Variants in LYSMD3 observed in about 807,000 individuals in gnomAD.
LYSMD3 encodes the protein LysM domain containing 3.
In LYSMD3, 13 loss-of-function variants were observed where a neutral mutation model predicts 26.1. The ratio of observed to expected loss-of-function variants is 0.50; its 90% CI spans 0.32 to 0.79. LYSMD3 has a LOEUF of 0.79. Ranked by LOEUF, LYSMD3 falls within the 30% of genes least tolerant of loss-of-function variation. The pLI is 0.03. For synonymous variants in LYSMD3, 109 were observed against 119.4 expected (o/e 0.91, Z 0.57); for missense variants, 331 against 362.5 (o/e 0.91, Z 0.71).
chr5:90,522,637 C>A (rs767990378), intron 2 of LYSMD3, among the ~76,000 whole-genome samples: 11 of 152,158 alleles, frequency 7.2e-5, no homozygotes, highest in African/African-American at 2.7e-4. Flanking sequence ...TGTTAAAACT[C>A]TACAATAATT....
Position 90,525,279 on chromosome 5 carries a change from C to T in LYSMD3, c.11G>A (p.Arg4Lys). 1 of 1,597,524 alleles carries T rather than the reference C, an allele frequency of 6.3e-7. No homozygotes were observed. The highest frequency in any genetic ancestry group is 1.7e-4 in the Middle Eastern group (1 of 5,968). MAG[R>K]HQNRSFPLPG... ...AAGAGGAAAACTACGATTCTGATGC[C>T]TCCCTGCCATAATGTTAAAATCTGG... The change falls in exon 2 of 3, where the codon AGG (arginine) becomes AAG (lysine). Residue 4 changes from arginine to lysine, a missense_variant. Coordinates refer to ENST00000315948, the MANE Select transcript of LYSMD3 (RefSeq NM_198273.2).
chr5:90,519,322 CG>C lies in LYSMD3; in HGVS notation c.417del (p.Glu140AsnfsTer22). Reference sequence around the variant, plus strand: ...TTAGCTGGCAAAATTTCCTGTTGTTCGGAAGAGTATTGAACAGATGAATGAC... The same window carrying C: ...TTAGCTGGCAAAATTTCCTGTTGTTCGAAGAGTATTGAACAGATGAATGAC... ...TSRHSSVQYS[S>X]EQQEILPAND... On this transcript the variant is annotated frameshift_variant, in exon 3 of 3. Transcript: ENST00000315948. LOFTEE classifies it high-confidence loss of function. 6.2e-7 allele frequency: 1 copy of C among 1,613,946 alleles called. No homozygotes were observed. The highest frequency in any genetic ancestry group is 8.5e-7 in the Non-Finnish European group (1 of 1,179,978).
At chr5:90,527,570 G>T (rs1753255026) in intron 1 of LYSMD3, among the ~76,000 whole-genome samples, 1 of 152,088 alleles carries the variant, frequency 6.6e-6, no homozygotes, top group Non-Finnish European at 1.5e-5. Flanking sequence ...ACTTTTACCT[G>T]CTGATGGTTC....
intron 2 of LYSMD3, among the ~76,000 whole-genome samples, chr5:90,524,759 T>C (rs1030418413): frequency 6.6e-6 from 1 of 152,018 alleles, no homozygotes; most frequent in African/African-American, 2.4e-5. Flanking sequence ...GCCCGGCTAA[T>C]TTTTTTGTAT....
chr5:90,516,784 A>C lies in LYSMD3; in HGVS notation c.*2035T>G, dbSNP rs559716915. On this transcript the variant is annotated 3_prime_UTR_variant, in exon 3 of 3. Transcript: ENST00000315948. ...TTTCCTTCAAAAAAGGATACTCTGC[A>C]AGACAAATGATTTTTAATCAACAAA... is the stretch of plus-strand genomic sequence containing the variant. 6.6e-6 allele frequency: 1 copy of C among 152,622 alleles called. No homozygotes were observed. Among genetic ancestry groups the C allele is most frequent in the South Asian group, 2.1e-4 (1 of 4,830 alleles). 9.5% of individuals were successfully genotyped at this position (152,622 alleles called of 1,614,324 possible). A position where few individuals can be genotyped will look rare whatever the true frequency, so the allele number is the denominator to read the frequency against.
rs924065403 is a variant in LYSMD3 at position 90,529,480 on chromosome 5, A to C, written c.-44T>G. The C allele has an allele frequency of 4.4e-6, 2 of 456,670 alleles. No individual in the cohort carries two copies. Among genetic ancestry groups the C allele is most frequent in the Non-Finnish European group, 4.4e-6 (1 of 226,958 alleles). The allele number at this position is 456,670 out of a possible 1,614,324, so 28.3% of individuals were successfully genotyped here. A position where few individuals can be genotyped will look rare whatever the true frequency, so the allele number is the denominator to read the frequency against. ...CGTTAGCAGGGAGCACTCTGCGAGA[A>C]GATGGCCAAAAGGTCCGCCGCCGCC... On this transcript the variant is annotated 5_prime_UTR_variant, in exon 1 of 3. Coordinates refer to ENST00000315948, the MANE Select transcript of LYSMD3 (RefSeq NM_198273.2).
chr5:90,525,993 G>GA (rs985019264), intron 1 of LYSMD3, among the ~76,000 whole-genome samples: 2 of 152,044 alleles, frequency 1.3e-5, no homozygotes, highest in African/African-American at 4.8e-5. Flanking sequence ...AGTATGTGAA[G>GA]AAAATCAGAG....
chr5:90,524,223 A>G (rs952679696), intron 2 of LYSMD3, among the ~76,000 whole-genome samples: 2 of 152,238 alleles, frequency 1.3e-5, no homozygotes, highest in African/African-American at 2.4e-5. Flanking sequence ...AGGGATGGTC[A>G]TGAGGGTGTC....
chr5:90,526,846 G>T (rs777436522), intron 1 of LYSMD3: 1 of 152,172 alleles, frequency 6.6e-6, no homozygotes, highest in Non-Finnish European at 1.5e-5. Flanking sequence ...CAGAGAAAAG[G>T]TCTAGGTTAG....
At chr5:90,529,116 G>T (rs927244600) in intron 1 of LYSMD3, among the ~76,000 whole-genome samples, 32 of 152,254 alleles carry the variant, frequency 2.1e-4, no homozygotes, top group Non-Finnish European at 4.3e-4. Flanking sequence ...CTTGAACGAT[G>T]TGACAAGATG....
At chr5:90,527,444 T>C (rs909014136) in intron 1 of LYSMD3, among the ~76,000 whole-genome samples, 3 of 151,590 alleles carry the variant, frequency 2.0e-5, no homozygotes, top group Admixed American at 6.6e-5. Context: ...TAAGCACTTA[T>C]GTGTGAAAAA....
chr5:90,520,596 G>A (rs1753067366), intron 2 of LYSMD3: 3 of 431,698 alleles, frequency 6.9e-6, no homozygotes, highest in Non-Finnish European at 1.4e-5. Context: ...CTCGGCTAGA[G>A]ACACAGATTT....
chr5:90,520,412 T>C (rs1159783816), intron 2 of LYSMD3: 1 of 456,152 alleles, frequency 2.2e-6, no homozygotes, highest in Non-Finnish European at 4.4e-6. Context: ...AGCTTAGATT[T>C]CTGGTTTGGT....
In LYSMD3 at chr5:90,519,474, A is replaced by AT. The variant is rs1343913523; in HGVS notation, c.265dup (p.Ile89AsnfsTer5). 1 of 1,597,778 alleles carries AT rather than the reference A, an allele frequency of 6.3e-7. No individual in the cohort carries two copies. Among genetic ancestry groups the AT allele is most frequent in the Admixed American group, 1.7e-5 (1 of 58,594 alleles). On this transcript the variant is annotated frameshift_variant, in exon 3 of 3. Coordinates refer to ENST00000315948, the MANE Select transcript of LYSMD3 (RefSeq NM_198273.2). LOFTEE classifies it high-confidence loss of function. The stretch of plus-strand genomic sequence containing the variant: ...ACTGATGAGATTGTTAACTCTCTTG[A>AT]TATCTGCTACCTGTGGGGGGGAAAA...
intron 2 of LYSMD3, among the ~76,000 whole-genome samples, chr5:90,520,918 CAA>C (rs371094430): frequency 4.1e-5 from 5 of 122,004 alleles, no homozygotes; most frequent in African/African-American, 6.1e-5. Context: ...GACTCCATCT[CAA>C]AAAAAAAAAA....
At chr5:90,527,867 T>C (rs16868771) in intron 1 of LYSMD3, among the ~76,000 whole-genome samples, 1,651 of 152,332 alleles carry the variant, frequency 0.011, 32 homozygotes, top group East Asian at 0.057. Flanking sequence ...CTTTCTGACC[T>C]TGCTCTAATG....
At chr5:90,522,183 C>T (rs1480661543) in intron 2 of LYSMD3, among the ~76,000 whole-genome samples, 1 of 152,096 alleles carries the variant, frequency 6.6e-6, no homozygotes, top group African/African-American at 2.4e-5. Context: ...TGTGTGGAAC[C>T]TCCTCCCTCA....
intron 2 of LYSMD3, among the ~76,000 whole-genome samples, chr5:90,520,625 T>C (rs567749178): frequency 7.9e-5 from 12 of 152,072 alleles, no homozygotes; most frequent in Admixed American, 5.2e-4. Flanking sequence ...TCAGCAAAAA[T>C]GTAATTGAAG....
At position 90,529,555 on chromosome 5, in the gene LYSMD3, T is replaced by TC. The variant is rs770626761; in HGVS notation, c.-120dup. On this transcript the variant is annotated 5_prime_UTR_variant, in exon 1 of 3. Transcript: ENST00000315948. ...GAGCCTCTGCTTTGGGCTGACCCCG[T>TC]CCGCCTCCGCCTCTGCCGCCAACGT... 3.7e-5 allele frequency: 17 copies of TC among 456,234 alleles called. No homozygotes were observed. The highest frequency in any genetic ancestry group is 2.5e-4 in the South Asian group (16 of 64,554). The allele number at this position is 456,234 out of a possible 1,614,324, so 28.3% of individuals were successfully genotyped here.
Sources: gnomAD v4.1 joint callset for allele counts (sites outside exome capture counted in the v4.1 genomes callset) on GRCh38, gnomAD v4.1.1 for gene constraint, MANE v1.5 for transcripts, NCBI Gene and HGNC (gene_info 2026-07-23, HGNC 2026-07-21) for gene names.